Variants in POU2F1 observed in about 807,000 individuals in gnomAD.
POU2F1 encodes the protein POU domain, class 2, transcription factor 1.
POU2F1 carries 16 observed loss-of-function variants against 84.9 expected under a neutral mutation model. The ratio of observed to expected loss-of-function variants is 0.19; its 90% confidence interval spans 0.13 to 0.29. The LOEUF is 0.29. POU2F1 is among the 10% of genes least tolerant of loss of function. The probability of loss-of-function intolerance (pLI) is 1.00; values close to 1 mark genes in which losing one functional copy is unlikely to be tolerated. For missense variants in POU2F1, 738 were observed against 942.6 expected, an observed-to-expected ratio of 0.78 and a Z score of 2.84; for synonymous variants, 368 against 368.3, an observed-to-expected ratio of 1.00 and a Z score of 0.01.
chr1:167,361,674 G>A (rs1659361864), intron 2 of POU2F1, among the ~76,000 whole-genome samples: 1 of 152,082 alleles, frequency 6.6e-6, no homozygotes, highest in South Asian at 2.1e-4. Flanking sequence ...TCAAGATGAT[G>A]CTGCTTTCAT....
chr1:167,402,977 G>T (rs993225768), intron 13 of POU2F1, among the ~76,000 whole-genome samples: 7 of 152,160 alleles, frequency 4.6e-5, no homozygotes, highest in African/African-American at 1.4e-4. Flanking sequence ...AAATAGCTTT[G>T]CAGTTTTCTT....
chr1:167,225,939 GTTAA>G (rs1648600189), intron 1 of POU2F1, among the ~76,000 whole-genome samples: 1 of 152,146 alleles, frequency 6.6e-6, no homozygotes, highest in Admixed American at 6.5e-5. Flanking sequence ...ATATAATTGT[GTTAA>G]TTACACAGTT....
At chr1:167,269,749 CT>C (rs1207541378) in intron 1 of POU2F1, among the ~76,000 whole-genome samples, 1 of 152,042 alleles carries the variant, frequency 6.6e-6, no homozygotes, top group Non-Finnish European at 1.5e-5. Flanking sequence ...CTTGTCTCTA[CT>C]AAAAATACAA....
chr1:167,403,932 C>T (rs976969545), intron 13 of POU2F1, among the ~76,000 whole-genome samples: 1 of 152,064 alleles, frequency 6.6e-6, no homozygotes, highest in African/African-American at 2.4e-5. Context: ...TGTCCAGTTA[C>T]AAAAGTATTT....
At chr1:167,401,732 T>A (rs566333561) in intron 13 of POU2F1, among the ~76,000 whole-genome samples, 176 bp downstream of exon 13, 1 of 152,358 alleles carries the variant, frequency 6.6e-6, no homozygotes, top group South Asian at 2.1e-4. Context: ...TAGCCGTGGC[T>A]TTTTGCATTC....
At chr1:167,311,620 G>T (rs1383304626) in intron 1 of POU2F1, among the ~76,000 whole-genome samples, 3 of 151,916 alleles carry the variant, frequency 2.0e-5, no homozygotes, top group Non-Finnish European at 4.4e-5. Context: ...CTGGCCCTGT[G>T]TAGGCCTAGT....
chr1:167,342,497 C>G (rs1203958689), intron 2 of POU2F1, among the ~76,000 whole-genome samples: 4 of 152,258 alleles, frequency 2.6e-5, no homozygotes, highest in African/African-American at 9.6e-5. Flanking sequence ...GATCAGATAT[C>G]ATTTTCTCCA....
chr1:167,353,267 G>GA (rs1278601415), intron 2 of POU2F1, among the ~76,000 whole-genome samples: 1 of 150,996 alleles, frequency 6.6e-6, no homozygotes, highest in African/African-American at 2.4e-5. Flanking sequence ...TTTGATTACT[G>GA]AAAAAATTGT....
intron 1 of POU2F1, chr1:167,329,373 T>C (rs1656929166): frequency 6.6e-7 from 1 of 1,506,990 alleles, no homozygotes; most frequent in Non-Finnish European, 9.0e-7. Context: ...GGGTTGACTA[T>C]GCATAAATGC....
intron 1 of POU2F1, among the ~76,000 whole-genome samples, chr1:167,295,867 G>T (rs1347010476): frequency 6.6e-6 from 1 of 152,134 alleles, no homozygotes; most frequent in African/African-American, 2.4e-5. Context: ...GTAATTGCAG[G>T]ATGAGTGACT....
chr1:167,225,811 T>C (rs1648586569), intron 1 of POU2F1, among the ~76,000 whole-genome samples: 1 of 152,242 alleles, frequency 6.6e-6, no homozygotes, highest in African/African-American at 2.4e-5. Context: ...ATTGCCTTGT[T>C]GTTATCGGTT....
intron 8 of POU2F1, among the ~76,000 whole-genome samples, chr1:167,385,602 G>GA (rs1220680330): frequency 3.3e-5 from 5 of 151,490 alleles, no homozygotes; most frequent in Admixed American, 3.3e-4. Context: ...AAACAATAGG[G>GA]AAAAAAAATA....
intron 2 of POU2F1, among the ~76,000 whole-genome samples, chr1:167,335,264 G>A (rs1281220691): frequency 6.6e-6 from 1 of 152,162 alleles, no homozygotes; most frequent in Non-Finnish European, 1.5e-5. Flanking sequence ...TAAGAGATAA[G>A]ACAGATAAAT....
intron 1 of POU2F1, among the ~76,000 whole-genome samples, chr1:167,248,292 A>G (rs1200620352): frequency 6.6e-6 from 1 of 152,226 alleles, no homozygotes; most frequent in African/African-American, 2.4e-5. Context: ...GCTTTGTTAT[A>G]CCTTGCAAGA....
intron 1 of POU2F1, among the ~76,000 whole-genome samples, chr1:167,259,660 G>C (rs1181821204): frequency 2.0e-5 from 3 of 152,128 alleles, no homozygotes; most frequent in Admixed American, 2.0e-4. Flanking sequence ...ATTGTATGTA[G>C]GGTGTGCACA....
chr1:167,279,536 G>C (rs1652968247), intron 1 of POU2F1, among the ~76,000 whole-genome samples: 1 of 152,152 alleles, frequency 6.6e-6, no homozygotes, highest in African/African-American at 2.4e-5. Flanking sequence ...TGTGATTCTT[G>C]GTAGAGGGAA....
chr1:167,307,921 A>G (rs1024821706), intron 1 of POU2F1, among the ~76,000 whole-genome samples: 1 of 152,074 alleles, frequency 6.6e-6, no homozygotes, highest in African/African-American at 2.4e-5. Context: ...GGAAGAATAC[A>G]TTTTGTGGAA....
intron 1 of POU2F1, among the ~76,000 whole-genome samples, chr1:167,266,652 T>G (rs1243769952): frequency 1.4e-5 from 2 of 143,468 alleles, no homozygotes; most frequent in Non-Finnish European, 3.0e-5. Context: ...TGAGATGGAG[T>G]CTCGCTCTGT....
At chr1:167,376,289 C>A in intron 7 of POU2F1, 134 bp downstream of exon 7, 1 of 1,138,928 alleles carries the variant, frequency 8.8e-7, no homozygotes, top group Non-Finnish European at 1.2e-6. Flanking sequence ...TGATTATAAA[C>A]TTTCGTTTAA....
Sources: gnomAD v4.1 joint callset for allele counts (sites outside exome capture counted in the v4.1 genomes callset) on GRCh38, gnomAD v4.1.1 for gene constraint, MANE v1.5 for transcripts, NCBI Gene and HGNC (gene_info 2026-07-23, HGNC 2026-07-21) for gene names.